MASP1: variants seen among roughly 807,000 people sequenced by gnomAD.
The protein encoded by MASP1 is mannan-binding lectin serine protease 1.
MASP1 carries 59 observed loss-of-function variants against 77.1 expected under a neutral mutation model. That is an observed-to-expected ratio of 0.77 (90% confidence interval 0.62 to 0.95). The LOEUF (loss-of-function observed/expected upper bound fraction) is 0.95. MASP1 is among the 40% of genes least tolerant of loss of function. The pLI is 0.00. For synonymous variants in MASP1, 362 were observed against 354.5 expected (o/e 1.02, Z -0.24); for missense variants, 885 against 912.9 (o/e 0.97, Z 0.39).
chr3:187,245,621 A>G (rs959755149), intron 8 of MASP1, among the ~76,000 whole-genome samples: 1 of 152,140 alleles, frequency 6.6e-6, no homozygotes, highest in Admixed American at 6.6e-5. Flanking sequence ...GGGACATGGA[A>G]GTGACTTAAC....
intron 10 of MASP1, among the ~76,000 whole-genome samples, chr3:187,240,999 C>T (rs1172635978): frequency 2.0e-5 from 3 of 152,096 alleles, no homozygotes; most frequent in Non-Finnish European, 2.9e-5. Context: ...TTCCTGTTAC[C>T]ACAAAATTTT....
intron 8 of MASP1, chr3:187,243,976 C>T (rs2108526326): frequency 9.6e-6 from 3 of 311,244 alleles, no homozygotes; most frequent in Non-Finnish European, 6.2e-6. Flanking sequence ...ATCCTCTCTG[C>T]CTCTTCTGCC....
chr3:187,256,612 C>T lies in MASP1; in HGVS notation c.744+52G>A, dbSNP rs1715098881. On this transcript the variant is annotated intron_variant, in intron 5 of 10. Transcript: ENST00000296280. ...GGTTCCGCAATATCAATTTTCCCAA[C>T]TCAGCCAAGATTTTCCAGCATCTCC... 7.5e-6 allele frequency: 12 copies of T among 1,591,352 alleles called. No individual in the cohort carries two copies. In the South Asian group the frequency reaches 1.0e-4, roughly 13 times the overall value.
chr3:187,250,305 G>A lies in MASP1; in HGVS notation c.1036C>T (p.Gln346Ter), dbSNP rs1237681144. ...GTCCCATCCTTCAGACACTCAATCT[G>A]GAATGTGTCCATCTCCACATTATCC... The part of the protein sequence containing the change: ...LKDNVEMDTF[Q>*]IECLKDGTWS... The change falls in exon 8 of 11, where the codon CAG (glutamine) becomes TAG (stop). Residue 346 changes from glutamine (Q) to a stop codon, truncating the protein, a stop_gained. Coordinates refer to ENST00000296280, the MANE Select transcript of MASP1 (RefSeq NM_139125.4). LOFTEE classifies it high-confidence loss of function. The A allele has an allele frequency of 1.2e-6, 2 of 1,613,724 alleles. No individual in the cohort carries two copies. The highest frequency in any genetic ancestry group is 1.7e-6 in the Non-Finnish European group (2 of 1,179,646).
At chr3:187,261,516 A>G (rs1157673735) in intron 3 of MASP1, among the ~76,000 whole-genome samples, 1 of 152,254 alleles carries the variant, frequency 6.6e-6, no homozygotes, top group African/African-American at 2.4e-5. Context: ...TTAAACCACA[A>G]TGAGGTACCA....
exon 15 of MASP1, chr3:187,221,039 C>A: frequency 6.2e-7 from 1 of 1,613,952 alleles, no homozygotes; most frequent in South Asian, 1.1e-5. Context: ...ACCCACCTTC[C>A]TTCTCCCCAG....
At chr3:187,287,934 T>C (rs2108614981) in intron 1 of MASP1, among the ~76,000 whole-genome samples, 1 of 152,352 alleles carries the variant, frequency 6.6e-6, no homozygotes, top group East Asian at 1.9e-4. Flanking sequence ...TATGTCATGT[T>C]AATATTTACA....
chr3:187,257,114 A>G (rs1183075969), intron 4 of MASP1, among the ~76,000 whole-genome samples: 5 of 152,022 alleles, frequency 3.3e-5, no homozygotes, highest in African/African-American at 9.7e-5. Context: ...TTCTCATCAG[A>G]TCCTCTGGTA....
chr3:187,241,432 G>C, intron 10 of MASP1, 49 bp downstream of exon 10: 1 of 1,508,082 alleles, frequency 6.6e-7, no homozygotes, highest in Non-Finnish European at 9.2e-7. Flanking sequence ...TGGGGTCCTA[G>C]GGCCTTGGAT....
intron 9 of MASP1, chr3:187,242,999 C>A: frequency 4.7e-6 from 1 of 213,686 alleles, no homozygotes; most frequent in Non-Finnish European, 9.5e-6. Flanking sequence ...AGGTCCCTTA[C>A]CTGCTGAATG....
chr3:187,227,631 A>G (rs941473153), intron 11 of MASP1, among the ~76,000 whole-genome samples: 7 of 152,074 alleles, frequency 4.6e-5, no homozygotes, highest in African/African-American at 1.4e-4. Flanking sequence ...AGAAGCAGCT[A>G]TGTGCTCCTG....
chr3:187,260,209 T>A (rs1439029557), intron 4 of MASP1, among the ~76,000 whole-genome samples: 1 of 152,198 alleles, frequency 6.6e-6, no homozygotes, highest in Non-Finnish European at 1.5e-5. Flanking sequence ...AGCACGAGAC[T>A]ATAGCATAGT....
intron 6 of MASP1, 119 bp downstream of exon 6, chr3:187,253,049 A>G: frequency 2.3e-6 from 3 of 1,328,254 alleles, no homozygotes; most frequent in East Asian, 2.3e-5. Flanking sequence ...CAGCTGCTCA[A>G]CTGGGAGTCC....
intron 4 of MASP1, among the ~76,000 whole-genome samples, chr3:187,259,561 ATGAG>A (rs1428772075): frequency 6.6e-6 from 1 of 152,152 alleles, no homozygotes; most frequent in Admixed American, 6.5e-5. Flanking sequence ...AATGAAGAAA[ATGAG>A]TGAGAAACCT....
chr3:187,271,729 A>T (rs1482598997), intron 2 of MASP1, among the ~76,000 whole-genome samples: 1 of 152,140 alleles, frequency 6.6e-6, no homozygotes, highest in Admixed American at 6.5e-5. Context: ...CATGGTATAA[A>T]ATTGGTTAAT....
chr3:187,242,169 G>A (rs1713700661), intron 9 of MASP1: 1 of 153,150 alleles, frequency 6.5e-6, no homozygotes, highest in Non-Finnish European at 1.5e-5. Flanking sequence ...CATCTCACTG[G>A]CATTTTGAAA....
chr3:187,234,174 T>C lies in MASP1; in HGVS notation c.*1510A>G. 7.8e-7 allele frequency: 1 copy of C among 1,287,216 alleles called. No individual in the cohort carries two copies. The highest frequency in any genetic ancestry group is 1.0e-6 in the Non-Finnish European group (1 of 988,686). The allele number at this position is 1,287,216 out of a possible 1,614,324, so 79.7% of individuals were successfully genotyped here. ...TTACAGAATGGTGAAGCATATGATA[T>C]AAAAGATACAAAATATAACATCATT... On this transcript the variant is annotated 3_prime_UTR_variant, in exon 11 of 11. Coordinates refer to ENST00000296280, the MANE Select transcript of MASP1 (RefSeq NM_139125.4).
At chr3:187,247,390 C>G in intron 8 of MASP1, 1 of 1,614,044 alleles carries the variant, frequency 6.2e-7, no homozygotes, top group South Asian at 1.1e-5. Context: ...CATTTTCTGC[C>G]ACCATGGTGA....
rs774952834 is a variant in MASP1 at position 187,235,069 on chromosome 3, G to C, written c.*615C>G. ...TTTAATGGGGAACATAAGGGATAAG[G>C]CTTAGACTGCAAGAAGCTTTTGGGA... On this transcript the variant is annotated 3_prime_UTR_variant, in exon 11 of 11. Transcript: ENST00000296280. 1 of 1,287,244 alleles carries C rather than the reference G, an allele frequency of 7.8e-7. No homozygotes were observed. The highest frequency in any genetic ancestry group is 5.5e-5 in the East Asian group (1 of 18,020). The allele number at this position is 1,287,244 out of a possible 1,614,324, so 79.7% of individuals were successfully genotyped here.
Sources: allele counts gnomAD v4.1 joint callset (sites outside exome capture counted in the v4.1 genomes callset), GRCh38; gene constraint gnomAD v4.1.1; transcripts MANE v1.5; gene names NCBI Gene and HGNC (gene_info 2026-07-23, HGNC 2026-07-21).